Variants in ARHGAP25 observed in about 807,000 individuals in gnomAD.
The protein encoded by ARHGAP25 is Rho GTPase activating protein 25.
A neutral mutation model predicts 71.0 loss-of-function variants in ARHGAP25; 34 were observed. That is an observed-to-expected ratio of 0.48 (90% CI 0.36 to 0.64). The LOEUF (loss-of-function observed/expected upper bound fraction) is 0.64. Among genes scored for constraint, ARHGAP25 ranks in the 30% least tolerant of loss-of-function variants. The pLI, the probability that ARHGAP25 is intolerant of heterozygous loss-of-function variation, is 0.00. For synonymous variants in ARHGAP25, 282 were observed against 296.5 expected (o/e 0.95, Z 0.50); for missense variants, 706 against 805.1 (o/e 0.88, Z 1.49).
chr2:68,780,524 T>C (rs1461429949), intron 2 of ARHGAP25, among the ~76,000 whole-genome samples: 4 of 152,184 alleles, frequency 2.6e-5, no homozygotes, highest in Admixed American at 2.6e-4. Flanking sequence ...TTTTAAATAA[T>C]AAAATTAGAG....
intron 6 of ARHGAP25, 105 bp from the exon 7 acceptor site, chr2:68,816,184 G>A (rs1022898359): frequency 1.1e-6 from 1 of 923,124 alleles, no homozygotes; most frequent in South Asian, 1.3e-5. Context: ...CTGCCAAAGT[G>A]TTGTTTCTGC....
intron 2 of ARHGAP25, among the ~76,000 whole-genome samples, chr2:68,714,044 A>C (rs760776821): frequency 3.9e-5 from 6 of 152,184 alleles, no homozygotes; most frequent in Non-Finnish European, 8.8e-5. Flanking sequence ...TGTTTGAAAT[A>C]GTTTCAGAAG....
At position 68,807,291 on chromosome 2, in the gene ARHGAP25, T is replaced by C. The variant is rs1326601412; in HGVS notation, c.485T>C (p.Leu162Ser). ...TCCTCAGCAGTGTTTGGCCAGCGCT[T>C]GGATGAGACTGTGGCCTATGAACAG... Reference protein sequence around the residue: ...TPCGAVFGQRLDETVAYEQKF... With the variant: ...TPCGAVFGQRSDETVAYEQKF... Residue 162 changes from leucine (L) to serine (S), a missense_variant, in exon 5 of 11, where the codon TTG becomes TCG. Transcript: ENST00000409202. The C allele has an allele frequency of 6.2e-7, 1 of 1,614,236 alleles. No individual in the cohort carries two copies. Among genetic ancestry groups the C allele is most frequent in the South Asian group, 1.1e-5 (1 of 91,086 alleles).
At chr2:68,785,041 A>T (rs149896726) in intron 3 of ARHGAP25, among the ~76,000 whole-genome samples, 1 of 152,208 alleles carries the variant, frequency 6.6e-6, no homozygotes. Context: ...TTGCCAGTAC[A>T]AAGTCTCTGA....
At chr2:68,819,052 G>T in intron 8 of ARHGAP25, 71 bp from the exon 9 acceptor site, 1 of 1,353,000 alleles carries the variant, frequency 7.4e-7, no homozygotes, top group Non-Finnish European at 1.0e-6. Context: ...GACATCCACG[G>T]GTGGGGATCC....
At chr2:68,750,906 G>A (rs987882397) in intron 1 of ARHGAP25, among the ~76,000 whole-genome samples, 5 of 152,224 alleles carry the variant, frequency 3.3e-5, no homozygotes, top group Non-Finnish European at 5.9e-5. Context: ...TGTGAGTAGT[G>A]AGGAGGAGGC....
intron 1 of ARHGAP25, among the ~76,000 whole-genome samples, chr2:68,750,006 T>A (rs944965341): frequency 6.6e-6 from 1 of 152,168 alleles, no homozygotes; most frequent in African/African-American, 2.4e-5. Flanking sequence ...TGGCCCTTTT[T>A]TAAATTTTAT....
intron 2 of ARHGAP25, among the ~76,000 whole-genome samples, chr2:68,711,382 A>G (rs1170112756): frequency 6.6e-6 from 1 of 152,122 alleles, no homozygotes; most frequent in Admixed American, 6.5e-5. Context: ...TAACTCAATT[A>G]TTAGTATTTA....
intron 4 of ARHGAP25, 60 bp downstream of exon 4, chr2:68,788,016 T>A: frequency 7.5e-7 from 1 of 1,338,056 alleles, no homozygotes; most frequent in Non-Finnish European, 1.1e-6. Flanking sequence ...AAGTAGGAAG[T>A]AGCTCCAATG....
chr2:68,780,068 C>T (rs967069561), intron 2 of ARHGAP25, among the ~76,000 whole-genome samples: 1 of 152,164 alleles, frequency 6.6e-6, no homozygotes, highest in African/African-American at 2.4e-5. Context: ...CTTTTGTGAT[C>T]CTGGGTCAGC....
At chr2:68,814,956 G>A (rs999561749) in intron 6 of ARHGAP25, among the ~76,000 whole-genome samples, 1 of 152,190 alleles carries the variant, frequency 6.6e-6, no homozygotes, top group African/African-American at 2.4e-5. Context: ...TCACCATTGT[G>A]AAAGTAATAA....
At chr2:68,797,903 G>A (rs374093360) in intron 4 of ARHGAP25, among the ~76,000 whole-genome samples, 24 of 152,276 alleles carry the variant, frequency 1.6e-4, no homozygotes, top group East Asian at 5.8e-4. Context: ...TGGGGGATTC[G>A]CTCCCCTTTC....
At chr2:68,770,472 GAGT>G (rs2104363225) in intron 1 of ARHGAP25, among the ~76,000 whole-genome samples, 1 of 152,318 alleles carries the variant, frequency 6.6e-6, no homozygotes, top group African/African-American at 2.4e-5. Flanking sequence ...AATCTAGACT[GAGT>G]CAGAATTGAG....
intron 2 of ARHGAP25, among the ~76,000 whole-genome samples, chr2:68,720,328 AAAAAAGAAAAG>A (rs1450646325): frequency 2.0e-5 from 3 of 150,340 alleles, no homozygotes; most frequent in African/African-American, 7.3e-5. Context: ...AAAAAAAAAA[AAAAAAGAAAAG>A]AAAAGAAAAG....
intron 1 of ARHGAP25, among the ~76,000 whole-genome samples, chr2:68,742,452 G>A (rs911936667): frequency 1.2e-4 from 18 of 152,162 alleles, no homozygotes; most frequent in African/African-American, 1.7e-4. Context: ...CAGTATCATC[G>A]ATCGGTCACT....
chr2:68,807,683 A>T (rs1004627732), intron 5 of ARHGAP25, among the ~76,000 whole-genome samples: 1 of 152,174 alleles, frequency 6.6e-6, no homozygotes, highest in African/African-American at 2.4e-5. Context: ...CAGATAGTTT[A>T]TGTGACAGAT....
intron 2 of ARHGAP25, among the ~76,000 whole-genome samples, chr2:68,775,949 T>A (rs1445574346): frequency 6.6e-6 from 1 of 152,040 alleles, no homozygotes; most frequent in African/African-American, 2.4e-5. Context: ...ATTAGTTCTA[T>A]GAGGAAAAAA....
At chr2:68,786,399 C>G (rs1301782616) in intron 3 of ARHGAP25, among the ~76,000 whole-genome samples, 1 of 152,182 alleles carries the variant, frequency 6.6e-6, no homozygotes, top group Non-Finnish European at 1.5e-5. Context: ...CAGACTTGCC[C>G]TGTGTTTGGC....
intron 2 of ARHGAP25, among the ~76,000 whole-genome samples, chr2:68,722,437 G>T (rs571874139): frequency 7.9e-5 from 12 of 152,172 alleles, no homozygotes; most frequent in African/African-American, 2.7e-4. Flanking sequence ...AATCAGCCAG[G>T]CATGGTGGCA....
Sources: gnomAD v4.1 joint callset for allele counts (sites outside exome capture counted in the v4.1 genomes callset) on GRCh38, gnomAD v4.1.1 for gene constraint, MANE v1.5 for transcripts, NCBI Gene and HGNC (gene_info 2026-07-23, HGNC 2026-07-21) for gene names.